The following GLI2 variants were observed in gnomAD, a reference collection of about 807,000 sequenced individuals.
GLI2 encodes the protein GLI family zinc finger 2.
Under a neutral mutation model 78.9 loss-of-function variants are expected in GLI2, and 22 were observed. The ratio of observed to expected loss-of-function variants is 0.28; its 90% CI spans 0.20 to 0.40. The LOEUF (loss-of-function observed/expected upper bound fraction) is 0.40, where lower values mean the gene tolerates loss of function less well. Ranked by LOEUF, GLI2 falls within the 10% of genes least tolerant of loss-of-function variation. GLI2 has a pLI of 1.00. For missense variants in GLI2, 2,097 were observed against 2,213.2 expected (o/e 0.95, Z 1.05); for synonymous variants, 974 against 963.7 (o/e 1.01, Z -0.20).
chr2:120,891,286 A>G lies in GLI2; in HGVS notation c.149-36075A>G, dbSNP rs277533. 5.7e-3 allele frequency among the ~76,000 whole-genome samples: 872 copies of G among 152,172 alleles called. 8 individuals are homozygous for G. The highest frequency in any genetic ancestry group is 0.019 in the African/African-American group (787 of 41,492). ...TGATGGTGCTTGTGTTGCCTGTTGA[A>G]CAAGTGGGTGTAGGCAGAGAAGGAA... On this transcript the variant is annotated intron_variant, in intron 2 of 13. Coordinates refer to ENST00000361492, the MANE Select transcript of GLI2 (RefSeq NM_001374353.1).
chr2:120,932,824 C>T (rs908873953), intron 3 of GLI2, among the ~76,000 whole-genome samples: 7 of 152,126 alleles, frequency 4.6e-5, no homozygotes, highest in Non-Finnish European at 7.3e-5. Context: ...TGGCAGAGGC[C>T]GGCCACAGCA....
chr2:120,773,133 G>A (rs889837319), intron 1 of GLI2, among the ~76,000 whole-genome samples: 16 of 152,192 alleles, frequency 1.1e-4, no homozygotes, highest in African/African-American at 3.9e-4. Flanking sequence ...CAACTTTGTG[G>A]TGACAGCTCT....
At chr2:120,903,641 C>G (rs1678371650) in intron 2 of GLI2, among the ~76,000 whole-genome samples, 1 of 152,228 alleles carries the variant, frequency 6.6e-6, no homozygotes, top group African/African-American at 2.4e-5. Flanking sequence ...TATTTCACAT[C>G]CTGCCTTCAT....
rs1409437941 is a variant in GLI2, at chr2:120,992,369, G to A, written c.*1694G>A. 1 of 152,196 alleles carries A rather than the reference G, an allele frequency of 6.6e-6. No individual in the cohort carries two copies. The highest frequency in any genetic ancestry group is 1.5e-5 in the Non-Finnish European group (1 of 68,050). The allele number at this position is 152,196 out of a possible 1,614,324, so 9.4% of individuals were successfully genotyped here. On this transcript the variant is annotated 3_prime_UTR_variant, in exon 14 of 14. Coordinates refer to ENST00000361492, the MANE Select transcript of GLI2 (RefSeq NM_001374353.1). ...TACAGAAGACATCCCTGAATATACTGTAGGTGAGTCGTCCAGCCAAATTTA... is the reference window on the plus strand; with the variant it reads ...TACAGAAGACATCCCTGAATATACTATAGGTGAGTCGTCCAGCCAAATTTA...
intron 4 of GLI2, among the ~76,000 whole-genome samples, chr2:120,954,631 C>T (rs1333056193): frequency 1.3e-5 from 2 of 152,134 alleles, no homozygotes; most frequent in Admixed American, 6.5e-5. Context: ...TTCCTGACAC[C>T]ACCCTGCTGA....
In GLI2 at chr2:120,990,820, T is replaced by C; in HGVS notation, c.*145T>C. 1 of 637,134 alleles carries C rather than the reference T, an allele frequency of 1.6e-6. No individual in the cohort carries two copies. The highest frequency in any genetic ancestry group is 2.7e-6 in the Non-Finnish European group (1 of 368,302). The allele number at this position is 637,134 out of a possible 1,614,324, so 39.5% of individuals were successfully genotyped here. A position where few individuals can be genotyped will look rare whatever the true frequency, so the allele number is the denominator to read the frequency against. On this transcript the variant is annotated 3_prime_UTR_variant, in exon 14 of 14. Transcript: ENST00000361492. The stretch of plus-strand genomic sequence containing the variant: ...CAATGGCCGCTTCAGATGACAGATG[T>C]TGTAAGAGAAGGTTTATGGGCATCC...
chr2:120,880,364 C>T (rs1677057771), intron 2 of GLI2, among the ~76,000 whole-genome samples: 2 of 152,178 alleles, frequency 1.3e-5, no homozygotes, highest in Non-Finnish European at 2.9e-5. Context: ...AGGTTTAAGG[C>T]AAGAGGGCTG....
rs1682960924 is a variant in GLI2, at chr2:120,986,182, G to T, written c.1906-96G>T. ...CTTCCCTCACCCTCAGCCCCTCAGGGTGGGCGAGGGTGTGGTGCCTGTGCA... is the reference window on the plus strand; with the variant it reads ...CTTCCCTCACCCTCAGCCCCTCAGGTTGGGCGAGGGTGTGGTGCCTGTGCA... On this transcript the variant is annotated intron_variant, in intron 12 of 13. Coordinates refer to ENST00000361492, the MANE Select transcript of GLI2 (RefSeq NM_001374353.1). 18 of 1,099,574 alleles carry T rather than the reference G, an allele frequency of 1.6e-5. No individual in the cohort carries two copies. In the South Asian group the frequency reaches 2.2e-4, roughly 13 times the overall value. The allele number at this position is 1,099,574 out of a possible 1,614,324, so 68.1% of individuals were successfully genotyped here.
chr2:120,760,536 G>C (rs1683182439), intron 1 of GLI2, among the ~76,000 whole-genome samples: 1 of 152,176 alleles, frequency 6.6e-6, no homozygotes, highest in African/African-American at 2.4e-5. Context: ...AGAGACATAT[G>C]TTTAGATGTT....
chr2:120,890,285 A>G (rs1290912372), intron 2 of GLI2, among the ~76,000 whole-genome samples: 1 of 152,202 alleles, frequency 6.6e-6, no homozygotes, highest in East Asian at 1.9e-4. Context: ...AGAACAGATC[A>G]ATGGTTTCCA....
At chr2:120,775,039 A>G (rs1427793674) in intron 1 of GLI2, among the ~76,000 whole-genome samples, 2 of 152,106 alleles carry the variant, frequency 1.3e-5, no homozygotes. Context: ...GTCCATCTCT[A>G]CACTTGGAAA....
Position 120,951,350 on chromosome 2 carries a change from A to C in GLI2, c.362A>C (p.Tyr121Ser). Residue 121 changes from tyrosine (Y) to serine (S), a missense_variant, in exon 4 of 14, where the codon TAC becomes TCC. By Grantham distance (144) the Tyr-to-Ser change is moderately radical (BLOSUM62 -2). Coordinates refer to ENST00000361492, the MANE Select transcript of GLI2 (RefSeq NM_001374353.1). The stretch of plus-strand genomic sequence containing the variant: ...TCCCCCTTCAACGCCCCCCACCCGT[A>C]CGTGAACCCCCACATGGAGCACTAC... Reference protein sequence around the residue: ...GESPFNAPHPYVNPHMEHYLR... With the variant: ...GESPFNAPHPSVNPHMEHYLR... 6.3e-7 allele frequency: 1 copy of C among 1,593,954 alleles called. No homozygotes were observed. Among genetic ancestry groups the C allele is most frequent in the Non-Finnish European group, 8.6e-7 (1 of 1,161,640 alleles).
intron 1 of GLI2, among the ~76,000 whole-genome samples, chr2:120,740,056 A>C (rs1558774526): frequency 6.6e-6 from 1 of 152,176 alleles, no homozygotes; most frequent in Non-Finnish European, 1.5e-5. Flanking sequence ...ATTCAACATT[A>C]ATCATTTTCT....
At chr2:120,959,967 G>C (rs1681464422) in intron 5 of GLI2, among the ~76,000 whole-genome samples, 2 of 152,226 alleles carry the variant, frequency 1.3e-5, no homozygotes, top group Non-Finnish European at 2.9e-5. Context: ...TTGAGCATGT[G>C]AGCTCTGTGC....
chr2:120,783,171 G>T (rs1683896835), intron 1 of GLI2, among the ~76,000 whole-genome samples: 2 of 152,232 alleles, frequency 1.3e-5, no homozygotes, highest in African/African-American at 4.8e-5. Context: ...CTGGCTCCCA[G>T]TAATGACCTT....
In GLI2 at chr2:120,968,782, C is replaced by T; in HGVS notation, c.712C>T (p.Leu238Phe). The T allele has an allele frequency of 1.2e-6, 2 of 1,613,758 alleles. No individual in the cohort carries two copies. Among genetic ancestry groups the T allele is most frequent in the African/African-American group, 1.3e-5 (1 of 75,062 alleles). ...CAAGCGGGCGCTGTCCATCTCCCCA[C>T]TCTCAGACGCCAGCCTGGACCTGCA... ...SRKRALSISPLSDASLDLQRM... is the reference protein window; with the variant it reads ...SRKRALSISPFSDASLDLQRM... The change falls in exon 6 of 14, where the codon CTC (leucine) becomes TTC (phenylalanine). Residue 238 changes from leucine (L) to phenylalanine (F), a missense_variant. Coordinates refer to ENST00000361492, the MANE Select transcript of GLI2 (RefSeq NM_001374353.1).
chr2:120,911,156 C>T (rs553256367), intron 2 of GLI2, among the ~76,000 whole-genome samples: 1 of 152,210 alleles, frequency 6.6e-6, no homozygotes, highest in African/African-American at 2.4e-5. Flanking sequence ...GAGCTCATAC[C>T]GCCCTACCCT....
chr2:120,890,675 A>G (rs1677636544), intron 2 of GLI2, among the ~76,000 whole-genome samples: 2 of 152,214 alleles, frequency 1.3e-5, no homozygotes, highest in African/African-American at 4.8e-5. Flanking sequence ...TGAATCTCAA[A>G]TTAGCGAAAA....
intron 2 of GLI2, among the ~76,000 whole-genome samples, chr2:120,884,737 G>A (rs1378699442): frequency 6.6e-6 from 1 of 152,204 alleles, no homozygotes; most frequent in African/African-American, 2.4e-5. Context: ...TCGGAGTCCA[G>A]CTAGAGTGGG....
Sources: allele counts gnomAD v4.1 joint callset (sites outside exome capture counted in the v4.1 genomes callset), GRCh38; gene constraint gnomAD v4.1.1; transcripts MANE v1.5; gene names NCBI Gene and HGNC (gene_info 2026-07-23, HGNC 2026-07-21).